The following IRF8 variants were observed in gnomAD, a reference collection of about 807,000 sequenced individuals.
IRF8 encodes interferon consensus sequence binding protein 1.
In IRF8, 14 loss-of-function variants were observed where a neutral mutation model predicts 48.7. The ratio of observed to expected loss-of-function variants is 0.29; its 90% CI spans 0.19 to 0.45. IRF8 has a LOEUF of 0.45. Among genes scored for constraint, IRF8 ranks in the 20% least tolerant of loss-of-function variants. The pLI is 1.00. For missense variants in IRF8, 493 were observed against 580.7 expected, an observed-to-expected ratio of 0.85 and a Z score of 1.55; for synonymous variants, 278 against 227.3, an observed-to-expected ratio of 1.22 and a Z score of -2.01.
chr16:85,903,538 T>A (rs1435394184), intron 2 of IRF8: 2 of 335,118 alleles, frequency 6.0e-6, no homozygotes, highest in Non-Finnish European at 1.1e-5. Context: ...TTAGAGGCGA[T>A]GCATATACCA....
chr16:85,910,821 C>A (rs1448203784), intron 3 of IRF8, among the ~76,000 whole-genome samples: 1 of 152,222 alleles, frequency 6.6e-6, no homozygotes, highest in Admixed American at 6.5e-5. Flanking sequence ...GAAATGGAAT[C>A]AAAATTCAGC....
rs75641508 is a variant in IRF8 at position 85,911,763 on chromosome 16, C to T, written c.447+105C>T. 5,888 of 920,160 alleles carry T rather than the reference C, an allele frequency of 6.4e-3. 184 individuals are homozygous for T. The Admixed American group carries it at 0.064, about 10-fold the overall frequency. The allele number at this position is 920,160 out of a possible 1,614,324, so 57.0% of individuals were successfully genotyped here. A position where few individuals can be genotyped will look rare whatever the true frequency, so the allele number is the denominator to read the frequency against. ...TGCTGTATGAAGGCAGCCAGACCCT[C>T]GGGCTCGCTGAGGAAGTGGCATCTC... On this transcript the variant is annotated intron_variant, in intron 4 of 8. Transcript: ENST00000268638.
intron 2 of IRF8, among the ~76,000 whole-genome samples, chr16:85,904,934 C>T (rs1323816961): frequency 6.6e-6 from 1 of 151,094 alleles, no homozygotes; most frequent in East Asian, 1.9e-4. Context: ...TAGATAACCC[C>T]AAAAGCCGGA....
intron 2 of IRF8, among the ~76,000 whole-genome samples, chr16:85,906,736 G>A (rs984708617): frequency 6.6e-6 from 1 of 152,224 alleles, no homozygotes; most frequent in Non-Finnish European, 1.5e-5. Context: ...TGGTTCTCAG[G>A]TGGGGGAGGT....
Position 85,913,169 on chromosome 16 carries a change from C to T in IRF8, c.486C>T (p.Ser162=), listed in dbSNP as rs1212356919. Reference sequence around the variant, plus strand: ...ATTACATGGGGATGATCAAAAGGAGCCCTTCCCCGCCGGAGGCCTGTCGGA... The same window carrying T: ...ATTACATGGGGATGATCAAAAGGAGTCCTTCCCCGCCGGAGGCCTGTCGGA... ...VDDYMGMIKR[S]PSPPEACRSQ... is the part of the protein sequence containing the mutation. Residue 162 remains serine, a synonymous_variant, in exon 5 of 9, where the codon AGC becomes AGT. Coordinates refer to ENST00000268638, the MANE Select transcript of IRF8 (RefSeq NM_002163.4). 6 of 1,614,006 alleles carry T rather than the reference C, an allele frequency of 3.7e-6. No homozygotes were observed. The highest frequency in any genetic ancestry group is 1.6e-4 in the Middle Eastern group (1 of 6,082).
At chr16:85,906,973 C>A (rs1027554315) in intron 2 of IRF8, among the ~76,000 whole-genome samples, 3 of 152,134 alleles carry the variant, frequency 2.0e-5, no homozygotes, top group African/African-American at 4.8e-5. Flanking sequence ...TTTGAAACTA[C>A]AGTTGATTTA....
chr16:85,906,636 C>T (rs1905012053), intron 2 of IRF8, among the ~76,000 whole-genome samples: 2 of 152,208 alleles, frequency 1.3e-5, no homozygotes, highest in African/African-American at 4.8e-5. Flanking sequence ...GCCTTGCAGG[C>T]ACCGCGGTTG....
intron 2 of IRF8, among the ~76,000 whole-genome samples, chr16:85,905,464 T>C (rs1904969411): frequency 2.0e-5 from 3 of 152,324 alleles, no homozygotes; most frequent in Admixed American, 6.5e-5. Context: ...AATGTTTCCG[T>C]TGGTTACGCA....
At chr16:85,906,010 A>G (rs1904990417) in intron 2 of IRF8, among the ~76,000 whole-genome samples, 1 of 152,098 alleles carries the variant, frequency 6.6e-6, no homozygotes, top group Non-Finnish European at 1.5e-5. Flanking sequence ...CCTGATAGCA[A>G]CTCATTTAAT....
chr16:85,916,379 C>G (rs563384566), intron 6 of IRF8, among the ~76,000 whole-genome samples: 1 of 152,304 alleles, frequency 6.6e-6, no homozygotes, highest in South Asian at 2.1e-4. Context: ...AGGCCGTTCC[C>G]CAGCAAGGCT....
chr16:85,905,308 G>T (rs1567470712), intron 2 of IRF8, among the ~76,000 whole-genome samples: 1 of 152,218 alleles, frequency 6.6e-6, no homozygotes, highest in Non-Finnish European at 1.5e-5. Context: ...GTGGCATGCT[G>T]ACGGAGACGA....
At position 85,921,407 on chromosome 16, in the gene IRF8, A is replaced by G; in HGVS notation, c.*125A>G. ...GGTGGGATGCCTTACTTTGCACTTAATTTAATAAGGGCATTCTCGGAGGAG... is the reference window on the plus strand; with the variant it reads ...GGTGGGATGCCTTACTTTGCACTTAGTTTAATAAGGGCATTCTCGGAGGAG... On this transcript the variant is annotated 3_prime_UTR_variant, in exon 9 of 9. Transcript: ENST00000268638. The G allele has an allele frequency of 9.7e-7, 1 of 1,029,884 alleles. No individual in the cohort carries two copies. The highest frequency in any genetic ancestry group is 1.6e-5 in the African/African-American group (1 of 63,642). The allele number at this position is 1,029,884 out of a possible 1,614,324, so 63.8% of individuals were successfully genotyped here.
chr16:85,915,598 G>T (rs746458958), intron 6 of IRF8, among the ~76,000 whole-genome samples: 1 of 152,232 alleles, frequency 6.6e-6, no homozygotes, highest in Non-Finnish European at 1.5e-5. Flanking sequence ...CATCCAGGTC[G>T]CGCAGGCCTC....
chr16:85,911,482 C>T (rs1006144765), intron 3 of IRF8, 88 bp from the exon 4 acceptor site: 17 of 1,135,994 alleles, frequency 1.5e-5, no homozygotes, highest in Non-Finnish European at 2.1e-5. Context: ...TTTCCTTAAA[C>T]TCAGCATTTA....
At chr16:85,902,662 C>T in intron 1 of IRF8, 1 of 336,958 alleles carries the variant, frequency 3.0e-6, no homozygotes. Context: ...TCCCCCTCTC[C>T]TTCCAGTCTT....
At chr16:85,900,564 T>A (rs1904796543) in intron 1 of IRF8, among the ~76,000 whole-genome samples, 1 of 152,236 alleles carries the variant, frequency 6.6e-6, no homozygotes, top group Non-Finnish European at 1.5e-5. Context: ...TCTTGTAACG[T>A]AACTATGGCT....
chr16:85,918,936 C>T (rs945849377), intron 7 of IRF8, 133 bp downstream of exon 7: 2 of 1,168,518 alleles, frequency 1.7e-6, no homozygotes, highest in South Asian at 1.3e-5. Flanking sequence ...CATGGTGTGG[C>T]AAGGAGGTGC....
In IRF8 at chr16:85,922,530, A is replaced by G. The variant is rs557242527; in HGVS notation, c.*1248A>G. 6.6e-6 allele frequency: 1 copy of G among 152,440 alleles called. No homozygotes were observed. Among genetic ancestry groups the G allele is most frequent in the Admixed American group, 6.5e-5 (1 of 15,294 alleles). The allele number at this position is 152,440 out of a possible 1,614,324, so 9.4% of individuals were successfully genotyped here. ...CACATATCTTTAATATGCTGAATGA[A>G]TATTTATTTTTGTATCCATTAAAAC... is the stretch of plus-strand genomic sequence containing the variant. On this transcript the variant is annotated 3_prime_UTR_variant, in exon 9 of 9. Coordinates refer to ENST00000268638, the MANE Select transcript of IRF8 (RefSeq NM_002163.4).
rs374671231 is a variant in IRF8, at chr16:85,921,086, T to C, written c.1105-20T>C. The C allele has an allele frequency of 3.7e-6, 6 of 1,604,892 alleles. No homozygotes were observed. In the African/African-American group the frequency reaches 8.0e-5, roughly 22 times the overall value. ...TGGAGCCTCCGCCTCTGCCTCTGAC[T>C]TTCTGCACCTCCCATCTAGATTGAG... is the stretch of plus-strand genomic sequence containing the variant. On this transcript the variant is annotated intron_variant, in intron 8 of 8. Coordinates refer to ENST00000268638, the MANE Select transcript of IRF8 (RefSeq NM_002163.4).
Sources: allele counts gnomAD v4.1 joint callset (sites outside exome capture counted in the v4.1 genomes callset), GRCh38; gene constraint gnomAD v4.1.1; transcripts MANE v1.5; gene names NCBI Gene and HGNC (gene_info 2026-07-23, HGNC 2026-07-21).